The following PLEKHG1 variants were observed in gnomAD, a reference collection of about 807,000 sequenced individuals.
PLEKHG1 encodes the protein pleckstrin homology and RhoGEF domain containing G1.
In PLEKHG1, 44 loss-of-function variants were observed where a neutral mutation model predicts 100.8. That is an observed-to-expected ratio of 0.44 (90% CI 0.34 to 0.56). The LOEUF is 0.56. Ranked by LOEUF, PLEKHG1 falls within the 20% of genes least tolerant of loss-of-function variation. The pLI is 0.01. For synonymous variants in PLEKHG1, 640 were observed against 662.5 expected (o/e 0.97, Z 0.52); for missense variants, 1,545 against 1,720.9 (o/e 0.90, Z 1.81).
intron 3 of PLEKHG1, among the ~76,000 whole-genome samples, chr6:150,671,584 C>G (rs186567432): frequency 1.3e-5 from 2 of 152,214 alleles, no homozygotes; most frequent in East Asian, 3.8e-4. Context: ...GCTGAGGAGA[C>G]AGTGCTTACA....
At chr6:150,799,090 A>C (rs1786541087) in intron 5 of PLEKHG1, among the ~76,000 whole-genome samples, 1 of 152,144 alleles carries the variant, frequency 6.6e-6, no homozygotes, top group African/African-American at 2.4e-5. Flanking sequence ...TTTGAAGAAA[A>C]GTGTTAGCAG....
chr6:150,725,127 A>G (rs1437740457), intron 1 of PLEKHG1, among the ~76,000 whole-genome samples: 2 of 152,182 alleles, frequency 1.3e-5, no homozygotes, highest in Non-Finnish European at 1.5e-5. Context: ...CAAGGCGCCA[A>G]CAGATTGTGT....
At chr6:150,833,306 G>A (rs1057213002) in intron 15 of PLEKHG1, among the ~76,000 whole-genome samples, 4 of 152,308 alleles carry the variant, frequency 2.6e-5, no homozygotes, top group South Asian at 2.1e-4. Context: ...TCCCACCTTG[G>A]CCTCCCAAAG....
At chr6:150,669,053 T>TGA (rs1562424002) in intron 3 of PLEKHG1, among the ~76,000 whole-genome samples, 8 of 152,204 alleles carry the variant, frequency 5.3e-5, no homozygotes, top group Admixed American at 2.0e-4. Context: ...AGGCTTTTCT[T>TGA]TGTTTCTCCC....
At chr6:150,727,858 T>C (rs569563737) in intron 1 of PLEKHG1, among the ~76,000 whole-genome samples, 7 of 152,334 alleles carry the variant, frequency 4.6e-5, no homozygotes, top group African/African-American at 1.7e-4. Flanking sequence ...TTGTTGGCCC[T>C]GTGCTTGGGA....
At chr6:150,810,470 AAG>A (rs1491233817) in intron 10 of PLEKHG1, among the ~76,000 whole-genome samples, 1 of 128,682 alleles carries the variant, frequency 7.8e-6, no homozygotes, top group Non-Finnish European at 1.7e-5. Flanking sequence ...TCTCAAAAAA[AAG>A]AAAGAAAGAA....
At chr6:150,809,036 A>T (rs1327851420) in intron 7 of PLEKHG1, 69 bp from the exon 9 acceptor site, 1 of 1,363,798 alleles carries the variant, frequency 7.3e-7, no homozygotes, top group East Asian at 2.3e-5. Context: ...GGCTCAACAG[A>T]TGGGCCACCA....
At position 150,827,775 on chromosome 6, in the gene PLEKHG1, C is replaced by T. The variant is rs537832752; in HGVS notation, c.1471-2807C>T. The T allele has an allele frequency of 9.1e-6, 13 of 1,430,586 alleles. No individual in the cohort carries two copies. The East Asian group carries it at 9.1e-5, about 10-fold the overall frequency. The allele number at this position is 1,430,586 out of a possible 1,614,324, so 88.6% of individuals were successfully genotyped here. On this transcript the variant is annotated intron_variant, in intron 14 of 15. Transcript: ENST00000358517. ...GGAAGAGGAGGCAGAAGAGGAGCAGCGCATCCTCCAGCAGTCAGTGGTGAA... is the reference window on the plus strand; with the variant it reads ...GGAAGAGGAGGCAGAAGAGGAGCAGTGCATCCTCCAGCAGTCAGTGGTGAA...
Position 150,831,496 on chromosome 6 carries a change from C to T in PLEKHG1, c.2385C>T (p.Asp795=), listed in dbSNP as rs140164486. The T allele has an allele frequency of 2.2e-5, 36 of 1,613,908 alleles. No individual in the cohort carries two copies. Among genetic ancestry groups the T allele is most frequent in the Admixed American group, 1.7e-4 (10 of 59,998 alleles). Residue 795 remains aspartate, a synonymous_variant, in exon 15 of 16, where the codon GAC becomes GAT. Coordinates refer to ENST00000358517, the Ensembl canonical transcript of PLEKHG1. This position sits in a 1 kb window ranked among gnomAD's most constrained non-coding sequence, Gnocchi z 4.1. Reference sequence around the variant, plus strand: ...AAGACAGCCTCCAGCTCAGTGAGGACGAAGCCCCTTACCATCAGGCCACTC... The same window carrying T: ...AAGACAGCCTCCAGCTCAGTGAGGATGAAGCCCCTTACCATCAGGCCACTC...
At chr6:150,671,138 C>CTCAT (rs1300421260) in intron 3 of PLEKHG1, among the ~76,000 whole-genome samples, 4 of 151,846 alleles carry the variant, frequency 2.6e-5, no homozygotes, top group Admixed American at 2.0e-4. Flanking sequence ...TATTTATCCA[C>CTCAT]TCATTGATTG....
At chr6:150,824,166 C>G (rs972769358) in intron 14 of PLEKHG1, among the ~76,000 whole-genome samples, 1 of 152,222 alleles carries the variant, frequency 6.6e-6, no homozygotes, top group Non-Finnish European at 1.5e-5. Context: ...GAGACTTTGT[C>G]ATATCAAGTT....
At chr6:150,817,554 ATT>A (rs774464059) in intron 10 of PLEKHG1, among the ~76,000 whole-genome samples, 20,796 of 115,240 alleles carry the variant, frequency 0.18, 1,425 homozygotes, top group Middle Eastern at 0.24. Flanking sequence ...AAGAATCTGC[ATT>A]TTTTTTTTTT....
At chr6:150,737,511 C>G (rs916541484) in intron 2 of PLEKHG1, among the ~76,000 whole-genome samples, 1 of 152,014 alleles carries the variant, frequency 6.6e-6, no homozygotes, top group Non-Finnish European at 1.5e-5. Context: ...CCAGGATGGT[C>G]TCGATCTCCT....
chr6:150,602,468 A>T (rs1014189170), intron 1 of PLEKHG1, among the ~76,000 whole-genome samples: 17 of 152,152 alleles, frequency 1.1e-4, no homozygotes, highest in African/African-American at 4.1e-4. Context: ...TGAGACCTTC[A>T]CTTCTTTAAG....
chr6:150,804,148 A>T (rs1485632905), intron 6 of PLEKHG1, among the ~76,000 whole-genome samples: 7 of 85,340 alleles, frequency 8.2e-5, no homozygotes, highest in Non-Finnish European at 1.3e-4. Context: ...GCTGGTGTGT[A>T]AATATTTTAT....
At chr6:150,679,992 C>G (rs925701413) in intron 3 of PLEKHG1, among the ~76,000 whole-genome samples, 16 of 152,072 alleles carry the variant, frequency 1.1e-4, no homozygotes, top group Admixed American at 2.0e-4. Context: ...CCAGTAAAGT[C>G]AGCAAGGGGG....
At chr6:150,676,923 C>T (rs1198974451) in intron 3 of PLEKHG1, among the ~76,000 whole-genome samples, 1 of 152,132 alleles carries the variant, frequency 6.6e-6, no homozygotes, top group East Asian at 1.9e-4. Flanking sequence ...TCCTCCCTCT[C>T]CTTCATAGCC....
intron 14 of PLEKHG1, among the ~76,000 whole-genome samples, chr6:150,829,231 C>T (rs907456226): frequency 2.0e-5 from 3 of 152,224 alleles, no homozygotes; most frequent in Admixed American, 6.5e-5. Context: ...AGAATAGAAT[C>T]AGAGGGTAAT....
chr6:150,701,358 T>C (rs888415803), intron 3 of PLEKHG1, among the ~76,000 whole-genome samples: 2 of 140,126 alleles, frequency 1.4e-5, no homozygotes, highest in African/African-American at 5.1e-5. Context: ...AGGCCCTACA[T>C]TGGGTTATAT....
Sources: allele counts gnomAD v4.1 joint callset (sites outside exome capture counted in the v4.1 genomes callset), GRCh38; gene constraint gnomAD v4.1.1; non-coding constraint Gnocchi (gnomAD v3.1); transcripts MANE v1.5; gene names NCBI Gene and HGNC (gene_info 2026-07-23, HGNC 2026-07-21).